Variants in TTC19 observed in about 807,000 individuals in gnomAD.
The protein encoded by TTC19 is tetratricopeptide repeat protein 19, mitochondrial.
In TTC19, 38 loss-of-function variants were observed where a neutral mutation model predicts 49.5. That is an observed-to-expected ratio of 0.77 (90% CI 0.59 to 1.01). The LOEUF (loss-of-function observed/expected upper bound fraction) is 1.01. Among genes scored for constraint, TTC19 ranks in the 50% least tolerant of loss-of-function variants. The pLI, the probability that TTC19 is intolerant of heterozygous loss-of-function variation, is 0.00. For missense variants in TTC19, 475 were observed against 477.7 expected (o/e 0.99, Z 0.05); for synonymous variants, 204 against 185.2 (o/e 1.10, Z -0.83).
chr17:16,021,114 G>A (rs866597022), intron 7 of TTC19, among the ~76,000 whole-genome samples: 3 of 152,194 alleles, frequency 2.0e-5, no homozygotes, highest in East Asian at 1.9e-4. Context: ...TTGGCTGGGC[G>A]CAGTGGCTCA....
At chr17:16,040,749 G>A (rs2057409590) in intron 2 of TTC19, 2 of 496,846 alleles carry the variant, frequency 4.0e-6, no homozygotes, top group African/African-American at 2.0e-5. Flanking sequence ...AGAGCAATAA[G>A]CTGTGTGCAG....
rs1356427095 is a variant in TTC19 at position 16,029,062 on chromosome 17, C to CG, written c.*1541dup. On this transcript the variant is annotated 3_prime_UTR_variant, in exon 10 of 10. Transcript: ENST00000261647. ...CTGTTTCAGTAGAAACCAGTATTAACGTATGGTGATTTCTTAAAAAAATTA... is the reference window on the plus strand; with the variant it reads ...CTGTTTCAGTAGAAACCAGTATTAACGGTATGGTGATTTCTTAAAAAAATTA... 1 of 452,686 alleles carries CG rather than the reference C, an allele frequency of 2.2e-6. No individual in the cohort carries two copies. The highest frequency in any genetic ancestry group is 1.6e-5 in the South Asian group (1 of 63,872). 28.0% of individuals were successfully genotyped at this position (452,686 alleles called of 1,614,324 possible).
downstream of TTC19, chr17:16,032,171 T>G (rs1597489449): frequency 1.1e-6 from 1 of 924,308 alleles, no homozygotes; most frequent in Non-Finnish European, 1.5e-6. Flanking sequence ...ATCTGTGGGC[T>G]GGCTCTCCTG....
chr17:16,034,672 A>C (rs1597545440), intron 2 of TTC19: 1 of 1,176,502 alleles, frequency 8.5e-7, no homozygotes, highest in East Asian at 2.3e-5. Flanking sequence ...TAGGTTTCCA[A>C]ATTAGAAGAG....
chr17:16,006,358 C>T (rs574814904), intron 6 of TTC19, 116 bp from the exon 7 acceptor site: 72 of 775,610 alleles, frequency 9.3e-5, no homozygotes, highest in East Asian at 6.5e-4. Context: ...TGCTCTGAGC[C>T]GAGGTCACGC....
intron 2 of TTC19, among the ~76,000 whole-genome samples, chr17:16,042,426 G>A (rs1286195760): frequency 6.6e-6 from 1 of 152,168 alleles, no homozygotes; most frequent in Non-Finnish European, 1.5e-5. Context: ...CTTAGATACT[G>A]CACTTGCAGG....
At chr17:16,040,363 G>T in intron 2 of TTC19, 2 of 1,146,076 alleles carry the variant, frequency 1.7e-6, no homozygotes, top group Non-Finnish European at 2.6e-6. Context: ...GTATACAGTT[G>T]GTACTCAGTA....
chr17:16,041,378 G>A (rs2057535084), intron 2 of TTC19: 1 of 146,114 alleles, frequency 6.8e-6, no homozygotes, highest in Admixed American at 6.8e-5. Flanking sequence ...GCAGCCAAAT[G>A]ATGTGTCCCA....
intron 7 of TTC19, chr17:16,023,228 A>G (rs1442458811): frequency 6.6e-6 from 1 of 152,220 alleles, no homozygotes; most frequent in Non-Finnish European, 1.5e-5. Flanking sequence ...TTAAGATATT[A>G]TAGCTAAATT....
At chr17:16,040,016 C>G (rs757126218) in intron 2 of TTC19, 1 of 391,984 alleles carries the variant, frequency 2.6e-6, no homozygotes, top group Admixed American at 3.6e-5. Flanking sequence ...TCTCGAATTC[C>G]GAACCTCAGG....
chr17:16,020,219 T>C (rs936475137), intron 7 of TTC19, among the ~76,000 whole-genome samples: 1 of 152,210 alleles, frequency 6.6e-6, no homozygotes, highest in Non-Finnish European at 1.5e-5. Context: ...TGTTATCAGA[T>C]TTTTTTGATA....
chr17:16,000,076 G>A, intron 1 of TTC19, 42 bp from the exon 2 acceptor site: 1 of 1,365,986 alleles, frequency 7.3e-7, no homozygotes, highest in Non-Finnish European at 9.4e-7. Context: ...CGGGGACAGG[G>A]GCGCGGGCCG....
At position 16,029,176 on chromosome 17, in the gene TTC19, T is replaced by C. The variant is rs1191525784; in HGVS notation, c.*1654T>C. 2.2e-6 allele frequency: 1 copy of C among 453,320 alleles called. No individual in the cohort carries two copies. Among genetic ancestry groups the C allele is most frequent in the Non-Finnish European group, 4.4e-6 (1 of 226,620 alleles). 28.1% of individuals were successfully genotyped at this position (453,320 alleles called of 1,614,324 possible). On this transcript the variant is annotated 3_prime_UTR_variant, in exon 10 of 10. Transcript: ENST00000261647. ...GAAAGGTTTTTCATTCCAAGTTTTA[T>C]TTATTTATTAATTTTAAATCATCCA...
rs1028821942 is a variant in TTC19 at position 16,025,148 on chromosome 17, A to G, written c.808A>G (p.Ile270Val). The G allele has an allele frequency of 2.5e-6, 4 of 1,614,040 alleles. No individual in the cohort carries two copies. In the Admixed American group the frequency reaches 6.7e-5, roughly 27 times the overall value. ...AAAAGCTCTGCAGATTTCTGAAGAA[A>G]TACAAGGAGAAAGACACCCACAGGT... ...YEKALQISEE[I>V]QGERHPQTIV... The change falls in exon 8 of 10, where the codon ATA becomes GTA. Residue 270 changes from isoleucine (I) to valine (V), a missense_variant. Ile to Val is a conservative substitution (Grantham distance 29). Coordinates refer to ENST00000261647, the MANE Select transcript of TTC19 (RefSeq NM_017775.4).
At chr17:16,014,982 C>T (rs2151664574) in intron 7 of TTC19, among the ~76,000 whole-genome samples, 1 of 152,228 alleles carries the variant, frequency 6.6e-6, no homozygotes, top group Admixed American at 6.5e-5. Flanking sequence ...TGCTTAGTAC[C>T]TGTGTAGTGC....
exon 3 of TTC19, chr17:16,044,692 G>A (rs1165064383): frequency 1.9e-5 from 13 of 683,152 alleles, no homozygotes; most frequent in Non-Finnish European, 3.3e-5. Flanking sequence ...TGACCATCAC[G>A]GAGGATAAGA....
chr17:16,027,757 C>CA lies in TTC19; in HGVS notation c.*236dup. 1.7e-6 allele frequency: 1 copy of CA among 587,884 alleles called. No individual in the cohort carries two copies. Among genetic ancestry groups the CA allele is most frequent in the South Asian group, 1.5e-5 (1 of 65,702 alleles). The allele number at this position is 587,884 out of a possible 1,614,324, so 36.4% of individuals were successfully genotyped here. ...TCAGGATGTCGTCAAGTGATGCTTT[C>CA]AGTTGTAACACGTGACTTGGTGCTG... On this transcript the variant is annotated 3_prime_UTR_variant, in exon 10 of 10. Coordinates refer to ENST00000261647, the MANE Select transcript of TTC19 (RefSeq NM_017775.4).
Position 16,027,613 on chromosome 17 carries a change from C to T in TTC19, c.*91C>T, listed in dbSNP as rs753495260. 2 of 1,490,150 alleles carry T rather than the reference C, an allele frequency of 1.3e-6. No homozygotes were observed. The highest frequency in any genetic ancestry group is 1.7e-5 in the Admixed American group (1 of 58,320). 92.3% of individuals were successfully genotyped at this position (1,490,150 alleles called of 1,614,324 possible). A position where few individuals can be genotyped will look rare whatever the true frequency, so the allele number is the denominator to read the frequency against. On this transcript the variant is annotated 3_prime_UTR_variant, in exon 10 of 10. Coordinates refer to ENST00000261647, the MANE Select transcript of TTC19 (RefSeq NM_017775.4). ...GTGGCACCCGATCAATGGCTTAAAT[C>T]TGTCGTTTTTGATATTCAGGTTTCC...
chr17:16,026,700 G>A lies in TTC19; in HGVS notation c.992G>A (p.Arg331Lys). 3 of 1,614,070 alleles carry A rather than the reference G, an allele frequency of 1.9e-6. No individual in the cohort carries two copies. In the South Asian group the frequency reaches 3.3e-5, roughly 18 times the overall value. Residue 331 changes from arginine to lysine, a missense_variant and splice_region_variant, in exon 9 of 10, where the codon AGA (arginine) becomes AAA (lysine). Physicochemically the swap from Arg to Lys is conservative, Grantham distance 26. Coordinates refer to ENST00000261647, the MANE Select transcript of TTC19 (RefSeq NM_017775.4). The part of the protein sequence containing the change: ...LSNLAAVLMH[R>K]ERYTQAKEIY... ...AATCTAGCTGCAGTTTTGATGCACAGAGGTAGGTAGCAATGTAAACTTAAC... is the reference window on the plus strand; with the variant it reads ...AATCTAGCTGCAGTTTTGATGCACAAAGGTAGGTAGCAATGTAAACTTAAC...
Sources: allele counts gnomAD v4.1 joint callset (sites outside exome capture counted in the v4.1 genomes callset), GRCh38; gene constraint gnomAD v4.1.1; transcripts MANE v1.5; gene names NCBI Gene and HGNC (gene_info 2026-07-23, HGNC 2026-07-21).